AUTS2: variants seen among roughly 807,000 people sequenced by gnomAD.
AUTS2 encodes the protein activator of transcription and developmental regulator AUTS2.
AUTS2 carries 17 observed loss-of-function variants against 112.4 expected under a neutral mutation model. The observed-to-expected ratio is 0.15, with a 90% CI of 0.10 to 0.23. The LOEUF (loss-of-function observed/expected upper bound fraction) is 0.23. Ranked by LOEUF, AUTS2 falls within the 10% of genes least tolerant of loss-of-function variation. AUTS2 has a pLI of 1.00. For missense variants in AUTS2, 1,510 were observed against 1,701.6 expected (o/e 0.89, Z 1.98); for synonymous variants, 751 against 702.7 (o/e 1.07, Z -1.09).
intron 1 of AUTS2, among the ~76,000 whole-genome samples, chr7:69,836,632 G>C (rs1368254397): frequency 6.6e-6 from 1 of 152,120 alleles, no homozygotes; most frequent in Non-Finnish European, 1.5e-5. Flanking sequence ...TATACGCATT[G>C]AGGAGTAAAG....
chr7:70,512,951 G>A (rs755358742), intron 5 of AUTS2, among the ~76,000 whole-genome samples: 1 of 152,168 alleles, frequency 6.6e-6, no homozygotes, highest in Non-Finnish European at 1.5e-5. Context: ...AGATCCAGCA[G>A]TTCCAGCCCC....
At chr7:70,729,215 G>GT (rs779162770) in intron 6 of AUTS2, 1 of 456,568 alleles carries the variant, frequency 2.2e-6, no homozygotes, top group South Asian at 1.5e-5. Context: ...CGTGCCGATG[G>GT]TTAAAGGTAC....
intron 5 of AUTS2, among the ~76,000 whole-genome samples, chr7:70,511,667 C>T (rs1029333148): frequency 6.9e-6 from 1 of 145,552 alleles, no homozygotes; most frequent in East Asian, 2.0e-4. Flanking sequence ...TCTCTGCCTC[C>T]CAGGTTCAAG....
intron 5 of AUTS2, among the ~76,000 whole-genome samples, chr7:70,667,470 G>A (rs532826213): frequency 3.3e-5 from 5 of 152,256 alleles, no homozygotes; most frequent in South Asian, 4.1e-4. Context: ...CAAAGAAATC[G>A]CCTTCACACT....
At chr7:70,302,506 A>G (rs1789264456) in intron 4 of AUTS2, among the ~76,000 whole-genome samples, 2 of 152,110 alleles carry the variant, frequency 1.3e-5, no homozygotes, top group Admixed American at 1.3e-4. Context: ...TTCCAAATGG[A>G]TATACCAATT....
chr7:70,511,113 T>C (rs1300580650), intron 5 of AUTS2, among the ~76,000 whole-genome samples: 4 of 152,074 alleles, frequency 2.6e-5, no homozygotes, highest in Non-Finnish European at 5.9e-5. Context: ...CCTCCCAAAG[T>C]GCTGGGATTA....
intron 6 of AUTS2, chr7:70,729,111 G>A (rs1379444292): frequency 4.4e-6 from 2 of 455,668 alleles, no homozygotes; most frequent in Admixed American, 2.4e-5. Context: ...ACAAAATGGG[G>A]CGAAAACGAC....
At chr7:70,683,717 C>G (rs893831349) in intron 5 of AUTS2, among the ~76,000 whole-genome samples, 7 of 152,228 alleles carry the variant, frequency 4.6e-5, no homozygotes, top group Non-Finnish European at 1.5e-5. Flanking sequence ...GCTGGCGGGT[C>G]TTTGTAGGCA....
chr7:70,740,450 TA>T, intron 6 of AUTS2, among the ~76,000 whole-genome samples: 1 of 152,310 alleles, frequency 6.6e-6, no homozygotes, highest in South Asian at 2.1e-4. Flanking sequence ...GAGCTTTTAC[TA>T]CATTGCATTA....
chr7:69,700,173 A>T (rs2129187225), intron 1 of AUTS2, among the ~76,000 whole-genome samples: 1 of 152,278 alleles, frequency 6.6e-6, no homozygotes, highest in East Asian at 1.9e-4. Flanking sequence ...ATAGGAGAAA[A>T]TTGGTATCTC....
intron 5 of AUTS2, among the ~76,000 whole-genome samples, chr7:70,527,267 T>C (rs1172614207): frequency 6.6e-6 from 1 of 152,216 alleles, no homozygotes; most frequent in African/African-American, 2.4e-5. Context: ...TTTCTGCTCA[T>C]TGGTGGAAGT....
intron 5 of AUTS2, among the ~76,000 whole-genome samples, chr7:70,493,346 C>A (rs1256841011): frequency 1.3e-5 from 2 of 152,178 alleles, no homozygotes; most frequent in Non-Finnish European, 2.9e-5. Flanking sequence ...TGATGGAATG[C>A]ATGTACCAAG....
At chr7:70,494,843 A>G (rs1046597393) in intron 5 of AUTS2, among the ~76,000 whole-genome samples, 1 of 152,200 alleles carries the variant, frequency 6.6e-6, no homozygotes, top group Admixed American at 6.5e-5. Context: ...TTTTTGGCAC[A>G]TAATAGAATT....
chr7:70,521,118 A>G (rs1370690649), intron 5 of AUTS2, among the ~76,000 whole-genome samples: 2 of 152,166 alleles, frequency 1.3e-5, no homozygotes, highest in Non-Finnish European at 2.9e-5. Context: ...GAGTAGATGA[A>G]TGAATGTACA....
chr7:69,983,146 A>G (rs952506008), intron 2 of AUTS2, among the ~76,000 whole-genome samples: 2 of 152,196 alleles, frequency 1.3e-5, no homozygotes, highest in Admixed American at 1.3e-4. Context: ...CGGAACATTG[A>G]CATGAATTTT....
intron 1 of AUTS2, among the ~76,000 whole-genome samples, chr7:69,730,253 C>A (rs192957126): frequency 6.6e-6 from 1 of 151,690 alleles, no homozygotes; most frequent in East Asian, 1.9e-4. Context: ...ATTTGTCGTA[C>A]CTTTTCCAAG....
intron 5 of AUTS2, among the ~76,000 whole-genome samples, chr7:70,588,235 G>A (rs1272077818): frequency 6.6e-6 from 1 of 152,182 alleles, no homozygotes; most frequent in Non-Finnish European, 1.5e-5. Flanking sequence ...AATCGGTGTG[G>A]TGCCAGCAGA....
intron 1 of AUTS2, among the ~76,000 whole-genome samples, chr7:69,763,741 C>T (rs933853782): frequency 3.3e-5 from 5 of 152,180 alleles, no homozygotes; most frequent in Non-Finnish European, 7.4e-5. Context: ...AAACATGATG[C>T]CCTTAGAACA....
In AUTS2 at chr7:69,687,725, C is replaced by T. The variant is rs545232968; in HGVS notation, c.309+87763C>T. Among the ~76,000 whole-genome samples the T allele has an allele frequency of 1.4e-4, 22 of 152,232 alleles. No homozygotes were observed. The South Asian group carries it at 2.3e-3, about 16-fold the overall frequency. Reference sequence around the variant, plus strand: ...TCTTTTTAAAATATGGTCATCCTAACGCGTATGATAACCCAGATACTCTTT... The same window carrying T: ...TCTTTTTAAAATATGGTCATCCTAATGCGTATGATAACCCAGATACTCTTT... On this transcript the variant is annotated intron_variant, in intron 1 of 18. Transcript: ENST00000342771.
Sources: allele counts gnomAD v4.1 joint callset (sites outside exome capture counted in the v4.1 genomes callset), GRCh38; gene constraint gnomAD v4.1.1; transcripts MANE v1.5; gene names NCBI Gene and HGNC (gene_info 2026-07-23, HGNC 2026-07-21).